Variants in PTPRQ observed in about 807,000 individuals in gnomAD.
PTPRQ encodes the protein protein tyrosine phosphatase receptor type Q, also known as phosphatidylinositol phosphatase PTPRQ.
In PTPRQ, 199 loss-of-function variants were observed where a neutral mutation model predicts 246.0. The ratio of observed to expected loss-of-function variants is 0.81; its 90% confidence interval spans 0.72 to 0.91. The LOEUF is 0.91. Ranked by LOEUF, PTPRQ falls within the 40% of genes least tolerant of loss-of-function variation. PTPRQ has a pLI of 0.00. For synonymous variants in PTPRQ, 869 were observed against 853.2 expected, an observed-to-expected ratio of 1.02 and a Z score of -0.32; for missense variants, 2,624 against 2,528.4, an observed-to-expected ratio of 1.04 and a Z score of -0.81.
intron 31 of PTPRQ, among the ~76,000 whole-genome samples, chr12:80,619,789 A>G (rs1592724477): frequency 6.6e-6 from 1 of 151,554 alleles, no homozygotes; most frequent in South Asian, 2.1e-4. Flanking sequence ...TTTTTTACCT[A>G]TCAAGAAAGG....
At chr12:80,488,245 C>A (rs1256449790) in intron 9 of PTPRQ, among the ~76,000 whole-genome samples, 1 of 151,890 alleles carries the variant, frequency 6.6e-6, no homozygotes, top group Non-Finnish European at 1.5e-5. Flanking sequence ...TAGGTCCCAA[C>A]TAACTAAAGA....
chr12:80,667,629 A>G (rs1438015033), intron 39 of PTPRQ, among the ~76,000 whole-genome samples: 1 of 151,950 alleles, frequency 6.6e-6, no homozygotes, highest in Admixed American at 6.6e-5. Flanking sequence ...CCTGGAATGT[A>G]ATAGTCACTC....
At position 80,457,591 on chromosome 12, in the gene PTPRQ, G is replaced by A; in HGVS notation, c.407G>A (p.Ser136Asn). Residue 136 changes from serine to asparagine, a missense_variant, in exon 4 of 45, where the codon AGT (serine) becomes AAT (asparagine). Ser to Asn is a conservative substitution (Grantham distance 46). Coordinates refer to ENST00000644991, the MANE Select transcript of PTPRQ (RefSeq NM_001145026.2). ...CTGTTCTAGGTTGCTGCTGAAAACAGTGCTGGCATTGGAGTGTTTAGTGAT... is the reference window on the plus strand; with the variant it reads ...CTGTTCTAGGTTGCTGCTGAAAACAATGCTGGCATTGGAGTGTTTAGTGAT... ...TYEIKVAAEN[S>N]AGIGVFSDPF... 1 of 400,290 alleles carries A rather than the reference G, an allele frequency of 2.5e-6. No individual in the cohort carries two copies. The highest frequency in any genetic ancestry group is 1.3e-4 in the South Asian group (1 of 7,940). The allele number at this position is 400,290 out of a possible 1,614,324, so 24.8% of individuals were successfully genotyped here.
At chr12:80,535,288 A>T (rs1895954193) in intron 19 of PTPRQ, among the ~76,000 whole-genome samples, 1 of 152,072 alleles carries the variant, frequency 6.6e-6, no homozygotes, top group African/African-American at 2.4e-5. Context: ...AAAAATAGTG[A>T]ATCTGCCACC....
chr12:80,603,818 C>T (rs1288416351), intron 26 of PTPRQ, among the ~76,000 whole-genome samples: 1 of 151,476 alleles, frequency 6.6e-6, no homozygotes, highest in Non-Finnish European at 1.5e-5. Flanking sequence ...TGCAACCCTG[C>T]CCCATCTGTA....
intron 25 of PTPRQ, among the ~76,000 whole-genome samples, chr12:80,552,487 AG>A (rs1030384714): frequency 1.7e-4 from 26 of 151,588 alleles, no homozygotes; most frequent in Non-Finnish European, 3.4e-4. Flanking sequence ...TGCCATTAAA[AG>A]TAATATTGAG....
At chr12:80,545,360 T>G (rs932346654) in intron 23 of PTPRQ, among the ~76,000 whole-genome samples, 1 of 152,264 alleles carries the variant, frequency 6.6e-6, no homozygotes, top group East Asian at 1.9e-4. Context: ...AATAGGATTC[T>G]AATTGTAAAT....
intron 33 of PTPRQ, among the ~76,000 whole-genome samples, chr12:80,626,957 C>A (rs1899225026): frequency 6.6e-6 from 1 of 152,072 alleles, no homozygotes; most frequent in Admixed American, 6.6e-5. Context: ...TTTTCTCACA[C>A]CCTAGCAAAC....
chr12:80,673,049 G>A, intron 42 of PTPRQ, 120 bp from the exon 43 acceptor site: 10 of 1,373,478 alleles, frequency 7.3e-6, no homozygotes, highest in Non-Finnish European at 9.5e-6. Context: ...AAGAAAATCT[G>A]CCTCCAAATA....
Position 80,495,250 on chromosome 12 carries a change from A to G in PTPRQ, c.1761A>G (p.Leu587=). 3 of 1,543,890 alleles carry G rather than the reference A, an allele frequency of 1.9e-6. No homozygotes were observed. The highest frequency in any genetic ancestry group is 2.6e-6 in the Non-Finnish European group (3 of 1,144,570). Residue 587 remains leucine (L), a synonymous_variant, in exon 12 of 45, where the codon TTA becomes TTG. Transcript: ENST00000644991. Reference sequence around the variant, plus strand: ...ATATTAGTTCTTCATCTATTTTGTTATATTGGGATCCTCCAGAATATCCCA... The same window carrying G: ...ATATTAGTTCTTCATCTATTTTGTTGTATTGGGATCCTCCAGAATATCCCA... The part of the protein sequence containing the change: ...YKNISSSSIL[L]YWDPPEYPNG...
rs1250336558 is a variant in PTPRQ at position 80,592,327 on chromosome 12, G to T, written c.4609+3875G>T. On this transcript the variant is annotated intron_variant, in intron 26 of 44. Transcript: ENST00000644991. Reference sequence around the variant, plus strand: ...TACTCGTCTTTTAGTTTCAAGAATGGAGGAAATTTTTGCTTCCAATGGAAT... The same window carrying T: ...TACTCGTCTTTTAGTTTCAAGAATGTAGGAAATTTTTGCTTCCAATGGAAT... Among the ~76,000 whole-genome samples the T allele has an allele frequency of 2.6e-5, 4 of 152,118 alleles. No homozygotes were observed. In the South Asian group the frequency reaches 6.2e-4, roughly 24 times the overall value.
At chr12:80,452,603 T>A (rs1174410780) in intron 3 of PTPRQ, among the ~76,000 whole-genome samples, 2 of 152,188 alleles carry the variant, frequency 1.3e-5, no homozygotes, top group African/African-American at 4.8e-5. Context: ...TATAATGGTT[T>A]TTATTTCTCC....
chr12:80,665,818 A>G (rs923745839), intron 39 of PTPRQ, among the ~76,000 whole-genome samples: 13 of 152,082 alleles, frequency 8.5e-5, no homozygotes, highest in African/African-American at 3.1e-4. Context: ...AAGACATACA[A>G]ATGGCCAACA....
intron 35 of PTPRQ, 125 bp downstream of exon 35, chr12:80,635,198 A>G: frequency 5.8e-6 from 8 of 1,385,964 alleles, no homozygotes; most frequent in Non-Finnish European, 7.5e-6. Flanking sequence ...ATCTTCTTTC[A>G]AAGAGTGACC....
intron 35 of PTPRQ, among the ~76,000 whole-genome samples, chr12:80,647,993 T>C (rs931808313): frequency 8.5e-5 from 13 of 152,128 alleles, no homozygotes; most frequent in African/African-American, 3.1e-4. Context: ...TGAAATATAC[T>C]TCCTTTTAAA....
At chr12:80,672,782 C>T (rs1425423372) in intron 42 of PTPRQ, among the ~76,000 whole-genome samples, 2 of 152,002 alleles carry the variant, frequency 1.3e-5, no homozygotes, top group East Asian at 1.9e-4. Context: ...GCTAAATATT[C>T]TACATTTGTA....
At chr12:80,481,654 T>A (rs889753011) in intron 8 of PTPRQ, among the ~76,000 whole-genome samples, 1 of 152,024 alleles carries the variant, frequency 6.6e-6, no homozygotes, top group Admixed American at 6.6e-5. Flanking sequence ...ATCTCCTTAA[T>A]CTGATAAGCA....
At chr12:80,600,155 C>G (rs144665392) in intron 26 of PTPRQ, among the ~76,000 whole-genome samples, 1 of 151,862 alleles carries the variant, frequency 6.6e-6, no homozygotes, top group East Asian at 1.9e-4. Context: ...GGGCTAAATA[C>G]CTTGCTTTTT....
At chr12:80,452,862 A>C (rs1892818052) in intron 3 of PTPRQ, among the ~76,000 whole-genome samples, 1 of 152,046 alleles carries the variant, frequency 6.6e-6, no homozygotes, top group Non-Finnish European at 1.5e-5. Context: ...GCTCTTCTCG[A>C]GGAGTATCTT....
Sources: allele counts gnomAD v4.1 joint callset (sites outside exome capture counted in the v4.1 genomes callset), GRCh38; gene constraint gnomAD v4.1.1; transcripts MANE v1.5; gene names NCBI Gene and HGNC (gene_info 2026-07-23, HGNC 2026-07-21).